SFI1: variants seen among roughly 807,000 people sequenced by gnomAD.
The protein encoded by SFI1 is SFI1 centrin binding protein, also known as protein SFI1 homolog.
SFI1 carries 195 observed loss-of-function variants against 207.5 expected under a neutral mutation model. The ratio of observed to expected loss-of-function variants is 0.94; its 90% CI spans 0.84 to 1.06. The LOEUF is 1.06. SFI1 is among the 50% of genes least tolerant of loss of function. The pLI, the probability that SFI1 is intolerant of heterozygous loss-of-function variation, is 0.00. For synonymous variants in SFI1, 630 were observed against 598.9 expected, an observed-to-expected ratio of 1.05 and a Z score of -0.76; for missense variants, 1,634 against 1,588.0, an observed-to-expected ratio of 1.03 and a Z score of -0.49.
At chr22:31,614,947 T>G in intron 28 of SFI1, 87 bp downstream of exon 28, 2 of 1,579,996 alleles carry the variant, frequency 1.3e-6, no homozygotes, top group Non-Finnish European at 8.6e-7. Context: ...GGGGCCTGTG[T>G]TTTGGCAGCC....
At position 31,565,179 on chromosome 22, in the gene SFI1, C is replaced by T. The variant is rs1177066938; in HGVS notation, c.765+3787C>T. On this transcript the variant is annotated intron_variant, in intron 8 of 32. Transcript: ENST00000400288. ...ACACTGCCAAAGCTTTACCCTCCCT[C>T]CGTCCCTTCTACTGCCTCTCCTCCT... 3.3e-5 allele frequency among the ~76,000 whole-genome samples: 5 copies of T among 152,066 alleles called. No homozygotes were observed. In the East Asian group the frequency reaches 7.7e-4, roughly 23 times the overall value.
At chr22:31,559,354 C>G (rs776090009) in intron 7 of SFI1, 54 of 237,416 alleles carry the variant, frequency 2.3e-4, no homozygotes, top group Non-Finnish European at 4.0e-4. Flanking sequence ...ACAAACAAGG[C>G]AGACGTTGCA....
rs774839001 is a variant in SFI1, at chr22:31,615,098, C to A, written c.3119C>A (p.Pro1040His). 1 of 1,606,588 alleles carries A rather than the reference C, an allele frequency of 6.2e-7. No homozygotes were observed. The highest frequency in any genetic ancestry group is 1.7e-5 in the Admixed American group (1 of 59,034). Residue 1040 changes from proline (P) to histidine (H), a missense_variant, in exon 29 of 33, where the codon CCC becomes CAC. By Grantham distance (77) the Pro-to-His change is moderately conservative (BLOSUM62 -2). Transcript: ENST00000400288. Reference protein sequence around the residue: ...HGLGMAQPAAPSLTRPFLAEA... With the variant: ...HGLGMAQPAAHSLTRPFLAEA... Reference sequence around the variant, plus strand: ...CTAGGCATGGCTCAGCCAGCAGCCCCCTCCCTGACGCGGCCCTTCCTGGCA... The same window carrying A: ...CTAGGCATGGCTCAGCCAGCAGCCCACTCCCTGACGCGGCCCTTCCTGGCA...
In SFI1 at chr22:31,599,593, G is replaced by A. The variant is rs150055444; in HGVS notation, c.1545-2619G>A. ...GATCCACCTGCCTTGGCCTCCCAAAGTGCTGGGATTACAGGCGTGAGCCAC... is the reference window on the plus strand; with the variant it reads ...GATCCACCTGCCTTGGCCTCCCAAAATGCTGGGATTACAGGCGTGAGCCAC... On this transcript the variant is annotated intron_variant, in intron 15 of 32. Coordinates refer to ENST00000400288, the MANE Select transcript of SFI1 (RefSeq NM_001007467.3). Among the ~76,000 whole-genome samples the A allele has an allele frequency of 5.3e-3, 801 of 152,296 alleles. 10 individuals are homozygous for A. Among genetic ancestry groups the A allele is most frequent in the African/African-American group, 0.019 (775 of 41,562 alleles).
intron 14 of SFI1, among the ~76,000 whole-genome samples, chr22:31,588,281 G>T: frequency 6.6e-6 from 1 of 152,224 alleles, no homozygotes; most frequent in East Asian, 1.9e-4. Flanking sequence ...TGAGGCTTGG[G>T]CTTCCTTACA....
chr22:31,550,207 G>A (rs775247726), intron 5 of SFI1, 47 bp from the exon 6 acceptor site: 9 of 1,522,440 alleles, frequency 5.9e-6, no homozygotes, highest in African/African-American at 2.7e-5. Context: ...CACCGCGCCC[G>A]GCCTGTTATT....
At chr22:31,605,061 G>C in intron 20 of SFI1, 116 bp downstream of exon 20, 1 of 855,814 alleles carries the variant, frequency 1.2e-6, no homozygotes, top group Non-Finnish European at 1.8e-6. Flanking sequence ...CGGGTTCCTA[G>C]TCGCTAATAT....
rs1355458999 is a variant in SFI1, at chr22:31,508,312, A to G, written c.28A>G (p.Ile10Val). The G allele has an allele frequency of 6.2e-6, 10 of 1,613,356 alleles. No homozygotes were observed. Among genetic ancestry groups the G allele is most frequent in the Non-Finnish European group, 8.5e-6 (10 of 1,179,512 alleles). Residue 10 changes from isoleucine (I) to valine (V), a missense_variant, in exon 2 of 33, where the codon ATA becomes GTA. Ile to Val is a conservative substitution (Grantham distance 29, BLOSUM62 3). Transcript: ENST00000400288. MKNLLTEKC[I>V]SSHNFHQKVI... ...GAAGAATCTGCTCACTGAGAAGTGT[A>G]TATCAAGCCACAATTTCCATCAAAA...
At chr22:31,600,445 C>CG (rs1269905901) in intron 15 of SFI1, among the ~76,000 whole-genome samples, 1 of 152,192 alleles carries the variant, frequency 6.6e-6, no homozygotes, top group Non-Finnish European at 1.5e-5. Context: ...GGCCAGAGCT[C>CG]CGTCTTTCAA....
intron 22 of SFI1, among the ~76,000 whole-genome samples, chr22:31,608,372 C>A (rs925909020): frequency 6.6e-6 from 1 of 152,142 alleles, no homozygotes; most frequent in African/African-American, 2.4e-5. Flanking sequence ...CTTGACATAT[C>A]GTTCCCTTCC....
chr22:31,523,946 C>G (rs1421815926), intron 2 of SFI1, among the ~76,000 whole-genome samples: 1 of 135,806 alleles, frequency 7.4e-6, no homozygotes, highest in Non-Finnish European at 1.6e-5. Context: ...GCAAGGACTA[C>G]TTTTTTTTTT....
chr22:31,588,509 GT>G, intron 14 of SFI1, among the ~76,000 whole-genome samples: 1 of 152,284 alleles, frequency 6.6e-6, no homozygotes, highest in Non-Finnish European at 1.5e-5. Context: ...TTGCAGCCAT[GT>G]TTTTAAAACC....
intron 7 of SFI1, 63 bp from the exon 8 acceptor site, chr22:31,561,227 G>T: frequency 1.4e-6 from 2 of 1,442,710 alleles, no homozygotes; most frequent in South Asian, 2.4e-5. Context: ...CACACTAACT[G>T]CTCCTCTCTT....
At position 31,560,955 on chromosome 22, in the gene SFI1, G is replaced by T. The variant is rs9621283; in HGVS notation, c.663-335G>T. 7.0e-3 allele frequency among the ~76,000 whole-genome samples: 1,064 copies of T among 151,616 alleles called. 20 individuals carry two copies. Among genetic ancestry groups the T allele is most frequent in the African/African-American group, 0.023 (963 of 41,288 alleles). ...TGACCTCAGGTAATCCACTCTCCTC[G>T]GCCTCCCAAAGTGCTGTGATTACAG... On this transcript the variant is annotated intron_variant, in intron 7 of 32. Transcript: ENST00000400288.
At chr22:31,523,946 C>CTTTT (rs563840359) in intron 2 of SFI1, among the ~76,000 whole-genome samples, 1 of 135,796 alleles carries the variant, frequency 7.4e-6, no homozygotes, top group Non-Finnish European at 1.6e-5. Flanking sequence ...GCAAGGACTA[C>CTTTT]TTTTTTTTTT....
At chr22:31,582,548 G>A (rs896830117) in intron 12 of SFI1, among the ~76,000 whole-genome samples, 16 of 151,622 alleles carry the variant, frequency 1.1e-4, no homozygotes, top group Admixed American at 5.9e-4. Flanking sequence ...CACGACACCC[G>A]GCCTATTATA....
Position 31,617,988 on chromosome 22 carries a change from G to A in SFI1, c.3513-127G>A, listed in dbSNP as rs2072067791. 7 of 1,040,310 alleles carry A rather than the reference G, an allele frequency of 6.7e-6. 1 individual carries two copies. The East Asian group carries it at 1.3e-4, about 20-fold the overall frequency. The allele number at this position is 1,040,310 out of a possible 1,614,324, so 64.4% of individuals were successfully genotyped here. The stretch of plus-strand genomic sequence containing the variant: ...GCAGGGGCCTGCAGTTCAGGTCAGG[G>A]GCCCTACCAGACCACCTCTCTCCAC... On this transcript the variant is annotated intron_variant, in intron 31 of 32. Coordinates refer to ENST00000400288, the MANE Select transcript of SFI1 (RefSeq NM_001007467.3).
chr22:31,535,155 C>T (rs374344297), intron 4 of SFI1, among the ~76,000 whole-genome samples: 4 of 149,890 alleles, frequency 2.7e-5, no homozygotes, highest in East Asian at 3.9e-4. Flanking sequence ...GCATGAGCCA[C>T]GGTGCCCGGC....
intron 1 of SFI1, among the ~76,000 whole-genome samples, chr22:31,502,301 A>G (rs1272131138): frequency 6.6e-6 from 1 of 152,148 alleles, no homozygotes; most frequent in Non-Finnish European, 1.5e-5. Context: ...TGCCGTTTCC[A>G]AGAACCTATC....
Sources: gnomAD v4.1 joint callset for allele counts (sites outside exome capture counted in the v4.1 genomes callset) on GRCh38, gnomAD v4.1.1 for gene constraint, MANE v1.5 for transcripts, NCBI Gene and HGNC (gene_info 2026-07-23, HGNC 2026-07-21) for gene names.